Variants in FBN1 observed in about 807,000 individuals in gnomAD.
The protein encoded by FBN1 is fibrillin-1.
Under a neutral mutation model 365.1 loss-of-function variants are expected in FBN1, and 29 were observed. The ratio of observed to expected loss-of-function variants is 0.08; its 90% CI spans 0.06 to 0.11. The LOEUF (loss-of-function observed/expected upper bound fraction) is 0.11, where lower values mean the gene tolerates loss of function less well. Ranked by LOEUF, FBN1 falls within the 10% of genes least tolerant of loss-of-function variation. FBN1 has a pLI of 1.00. For missense variants in FBN1, 2,476 were observed against 3,703.2 expected (o/e 0.67, Z 8.60); for synonymous variants, 1,210 against 1,270.5 (o/e 0.95, Z 1.01).
intron 65 of FBN1, 30 bp downstream of exon 65, chr15:48,412,539 G>GACATCAGGAGAA (rs1256124836): frequency 6.2e-7 from 1 of 1,611,594 alleles, no homozygotes; most frequent in Non-Finnish European, 8.5e-7. Flanking sequence ...CACCACAGGA[G>GACATCAGGAGAA]ACATCAGGAG....
chr15:48,420,625 C>A, intron 63 of FBN1, 62 bp downstream of exon 63: 1 of 1,601,916 alleles, frequency 6.2e-7, no homozygotes, highest in Non-Finnish European at 8.6e-7. Context: ...AGAAAGCAAG[C>A]AGTGTTTTGC....
intron 6 of FBN1, among the ~76,000 whole-genome samples, chr15:48,584,574 G>C (rs1412938738): frequency 6.6e-6 from 1 of 152,208 alleles, no homozygotes; most frequent in African/African-American, 2.4e-5. Flanking sequence ...TACACTCCCA[G>C]TTGGCTCCGT....
chr15:48,472,516 C>T (rs1356643664), intron 35 of FBN1, 35 bp downstream of exon 35: 10 of 1,613,642 alleles, frequency 6.2e-6, no homozygotes, highest in East Asian at 2.2e-5. Flanking sequence ...CTCATCAAGC[C>T]CAGCAAGGCT....
intron 2 of FBN1, among the ~76,000 whole-genome samples, chr15:48,616,840 G>C (rs958520521): frequency 6.6e-6 from 1 of 151,988 alleles, no homozygotes; most frequent in African/African-American, 2.4e-5. Context: ...AAGTGCTAAA[G>C]ATATATTATT....
At chr15:48,533,829 T>C (rs2043991638) in intron 8 of FBN1, among the ~76,000 whole-genome samples, 1 of 152,222 alleles carries the variant, frequency 6.6e-6, no homozygotes. Context: ...AAATATTTCA[T>C]GTTTTTAATA....
rs1473074496 is a variant in FBN1 at position 48,585,020 on chromosome 15, T to C, written c.538+11263A>G. ...CACGAGTCTTAGTTTAAAGAATATA[T>C]CATTGGAATCCCTAACAGAATATGA... On this transcript the variant is annotated intron_variant, in intron 6 of 65. Coordinates refer to ENST00000316623, the MANE Select transcript of FBN1 (RefSeq NM_000138.5). Among the ~76,000 whole-genome samples the C allele has an allele frequency of 3.3e-5, 5 of 152,248 alleles. No individual in the cohort carries two copies. In the East Asian group the frequency reaches 9.6e-4, roughly 29 times the overall value.
chr15:48,635,625 C>G (rs1890078609), intron 2 of FBN1, among the ~76,000 whole-genome samples: 1 of 152,156 alleles, frequency 6.6e-6, no homozygotes, highest in Non-Finnish European at 1.5e-5. Context: ...AAAGTTAAAA[C>G]ATACCAAAGT....
intron 56 of FBN1, among the ~76,000 whole-genome samples, chr15:48,428,689 G>A (rs12594786): frequency 0.029 from 4,386 of 151,264 alleles, 94 homozygotes; most frequent in East Asian, 0.082. Flanking sequence ...TGTTCACATG[G>A]CTCAAAATTT....
At position 48,446,769 on chromosome 15, in the gene FBN1, T is replaced by A. The variant is rs886038785; in HGVS notation, c.5725A>T (p.Ile1909Phe). The A allele has an allele frequency of 6.2e-7, 1 of 1,613,374 alleles. No homozygotes were observed. The highest frequency in any genetic ancestry group is 8.5e-7 in the Non-Finnish European group (1 of 1,179,502). ...TTGCAGCGGCAGTTGAAGGAACCAA[T>A]TGTGTTCCGGCAAGTTCCATTCCCA... ...ACGNGTCRNTIGSFNCRCNHG... is the reference protein window; with the variant it reads ...ACGNGTCRNTFGSFNCRCNHG... Residue 1909 changes from isoleucine (I) to phenylalanine (F), a missense_variant, in exon 47 of 66, where the codon ATT becomes TTT. Physicochemically the swap from Ile to Phe is conservative, Grantham distance 21. Transcript: ENST00000316623.
intron 2 of FBN1, among the ~76,000 whole-genome samples, chr15:48,621,009 G>A (rs1889755686): frequency 6.6e-6 from 1 of 152,140 alleles, no homozygotes; most frequent in Admixed American, 6.5e-5. Context: ...AAGTGTAAAT[G>A]GCCAAAGCTA....
At chr15:48,472,896 G>A (rs919543199) in intron 34 of FBN1, among the ~76,000 whole-genome samples, 4 of 152,206 alleles carry the variant, frequency 2.6e-5, no homozygotes, top group Non-Finnish European at 5.9e-5. Flanking sequence ...GATATAAAAT[G>A]AATAAGCCGA....
chr15:48,526,338 C>T, intron 8 of FBN1, 83 bp from the exon 9 acceptor site: 2 of 1,431,568 alleles, frequency 1.4e-6, no homozygotes, highest in Middle Eastern at 1.8e-4. Flanking sequence ...GATGTTAACA[C>T]TAGTCAAATC....
chr15:48,552,683 C>T (rs2044152968), intron 6 of FBN1, among the ~76,000 whole-genome samples: 1 of 152,144 alleles, frequency 6.6e-6, no homozygotes, highest in Non-Finnish European at 1.5e-5. Flanking sequence ...TTGGGTTTTG[C>T]ATCATTTGCA....
chr15:48,471,376 T>A (rs1434274304), intron 35 of FBN1, among the ~76,000 whole-genome samples: 1 of 152,126 alleles, frequency 6.6e-6, no homozygotes, highest in Non-Finnish European at 1.5e-5. Flanking sequence ...ATGATTTATA[T>A]TAAGAACAAA....
intron 10 of FBN1, among the ~76,000 whole-genome samples, 171 bp downstream of exon 10, chr15:48,520,488 C>CA (rs1566917909): frequency 6.6e-6 from 1 of 151,324 alleles, no homozygotes; most frequent in East Asian, 1.9e-4. Context: ...GTACAGACCC[C>CA]TTTTTTTTTC....
intron 27 of FBN1, among the ~76,000 whole-genome samples, chr15:48,487,870 G>C (rs959394397): frequency 3.9e-5 from 6 of 152,094 alleles, no homozygotes; most frequent in Admixed American, 2.6e-4. Flanking sequence ...CTTCCGCCTG[G>C]GTATCCATTT....
intron 6 of FBN1, among the ~76,000 whole-genome samples, chr15:48,580,202 C>T (rs1425354772): frequency 6.6e-6 from 1 of 152,174 alleles, no homozygotes; most frequent in African/African-American, 2.4e-5. Context: ...AATATACAGT[C>T]ATCATGCATG....
At chr15:48,545,630 AG>A (rs2044088246) in intron 6 of FBN1, among the ~76,000 whole-genome samples, 1 of 152,174 alleles carries the variant, frequency 6.6e-6, no homozygotes, top group Admixed American at 6.6e-5. Context: ...GGGGGTGACA[AG>A]GTGCACAACA....
At chr15:48,417,444 C>CCT (rs1566890492) in intron 63 of FBN1, among the ~76,000 whole-genome samples, 1 of 66,136 alleles carries the variant, frequency 1.5e-5, no homozygotes. Flanking sequence ...CCTCCCCTCC[C>CCT]TCCTTTCCTT....
Sources: allele counts gnomAD v4.1 joint callset (sites outside exome capture counted in the v4.1 genomes callset), GRCh38; gene constraint gnomAD v4.1.1; transcripts MANE v1.5; gene names NCBI Gene and HGNC (gene_info 2026-07-23, HGNC 2026-07-21).